GALNT15: variants seen among roughly 807,000 people sequenced by gnomAD.
The protein encoded by GALNT15 is UDP-GalNAc transferase T15.
In GALNT15, 67 loss-of-function variants were observed where a neutral mutation model predicts 66.8. The observed-to-expected ratio is 1.00, with a 90% CI of 0.82 to 1.23. GALNT15 has a LOEUF of 1.23. GALNT15 is among the 50% of genes most tolerant of loss of function. The pLI is 0.00. For synonymous variants in GALNT15, 313 were observed against 311.5 expected, an observed-to-expected ratio of 1.00 and a Z score of -0.05; for missense variants, 827 against 804.3, an observed-to-expected ratio of 1.03 and a Z score of -0.34.
chr3:16,246,731 T>C, the GALNT15 span, among the ~76,000 whole-genome samples: 1 of 152,314 alleles, frequency 6.6e-6, no homozygotes, highest in African/African-American at 2.4e-5. Context: ...ATAGGAATAC[T>C]CTTCTAACTC....
At position 16,200,348 on chromosome 3, in the gene GALNT15, C is replaced by T. The variant is rs2063686064; in HGVS notation, c.707-271C>T. Reference sequence around the variant, plus strand: ...ACCAACAGTATCTGCTACATTCTTGCTGCTGCATTTGGAGAATGTTAGCAA... The same window carrying T: ...ACCAACAGTATCTGCTACATTCTTGTTGCTGCATTTGGAGAATGTTAGCAA... On this transcript the variant is annotated intron_variant, in intron 2 of 9. Transcript: ENST00000339732. This position sits in a 1 kb window ranked among gnomAD's most constrained non-coding sequence, Gnocchi z 4.4. 6.6e-6 allele frequency among the ~76,000 whole-genome samples: 1 copy of T among 152,164 alleles called. No individual in the cohort carries two copies. The highest frequency in any genetic ancestry group is 2.4e-5 in the African/African-American group (1 of 41,430).
Position 16,181,768 on chromosome 3 carries a change from C to A in GALNT15, c.539+6078C>A, listed in dbSNP as rs938201332. ...CCTGGGGCTGGAACTTAGCTCAATT[C>A]CCCCCACAAGAGAGGGAAGACAACC... On this transcript the variant is annotated intron_variant, in intron 1 of 9. Transcript: ENST00000339732. This position sits in a 1 kb window ranked among gnomAD's most constrained non-coding sequence, Gnocchi z 5.9. Among the ~76,000 whole-genome samples, 2 of 152,112 alleles carry A rather than the reference C, an allele frequency of 1.3e-5. No individual in the cohort carries two copies. The highest frequency in any genetic ancestry group is 4.8e-5 in the African/African-American group (2 of 41,414).
chr3:16,208,503 G>T lies in GALNT15; in HGVS notation c.912G>T (p.Arg304Ser). ...EPLLSRIAGD[R>S]SRVVSPVIDV... Reference sequence around the variant, plus strand: ...TGTTTAATTCCACAATTCTTTCCAGGAGCCGAGTGGTATCTCCGGTGATAG... The same window carrying T: ...TGTTTAATTCCACAATTCTTTCCAGTAGCCGAGTGGTATCTCCGGTGATAG... Residue 304 changes from arginine to serine, a missense_variant and splice_region_variant, in exon 4 of 10, where the codon AGG (arginine) becomes AGT (serine). Coordinates refer to ENST00000339732, the MANE Select transcript of GALNT15 (RefSeq NM_054110.5). The T allele has an allele frequency of 6.2e-7, 1 of 1,613,550 alleles. No individual in the cohort carries two copies.
rs185114394 is a variant in GALNT15 at position 16,192,093 on chromosome 3, C to A, written c.540-3667C>A. Among the ~76,000 whole-genome samples the A allele has an allele frequency of 8.2e-4, 125 of 152,252 alleles. 1 individual carries two copies. Among genetic ancestry groups the A allele is most frequent in the Non-Finnish European group, 1.4e-3 (97 of 68,012 alleles). Reference sequence around the variant, plus strand: ...ATACCTATAAATATTGAGTGAATTACCCAAGGAAACTTAGGAAGCAACGGA... The same window carrying A: ...ATACCTATAAATATTGAGTGAATTAACCAAGGAAACTTAGGAAGCAACGGA... On this transcript the variant is annotated intron_variant, in intron 1 of 9. Coordinates refer to ENST00000339732, the MANE Select transcript of GALNT15 (RefSeq NM_054110.5).
chr3:16,237,662 A>G, the GALNT15 span, among the ~76,000 whole-genome samples: 1 of 152,062 alleles, frequency 6.6e-6, no homozygotes. The surrounding 1 kb of genome is among the most constrained non-coding windows in gnomAD (Gnocchi z 4.2). Context: ...CTGTTCCCCC[A>G]CCACTCCCCA....
chr3:16,246,717 A>G, the GALNT15 span, among the ~76,000 whole-genome samples: 5 of 152,226 alleles, frequency 3.3e-5, no homozygotes, highest in Non-Finnish European at 7.3e-5. Context: ...TAGATTCTGC[A>G]TATATAGGAA....
At chr3:16,179,458 C>G (rs1026525360) in intron 1 of GALNT15, among the ~76,000 whole-genome samples, 1 of 152,136 alleles carries the variant, frequency 6.6e-6, no homozygotes, top group South Asian at 2.1e-4. Flanking sequence ...CATGGGGAGA[C>G]AGTTGCGGAA....
At chr3:16,220,153 C>T in intron 8 of GALNT15, 139 bp downstream of exon 8, 1 of 691,460 alleles carries the variant, frequency 1.4e-6, no homozygotes, top group Non-Finnish European at 2.6e-6. Context: ...CATGGTCCCC[C>T]ACTGTAATGA....
intron 6 of GALNT15, among the ~76,000 whole-genome samples, chr3:16,215,730 T>C (rs544443108): frequency 6.6e-6 from 1 of 151,886 alleles, no homozygotes; most frequent in East Asian, 1.9e-4. Context: ...GCTAACATGG[T>C]GAAACCCCGT....
chr3:16,194,931 T>G (rs1218304774), intron 1 of GALNT15, among the ~76,000 whole-genome samples: 1 of 152,210 alleles, frequency 6.6e-6, no homozygotes, highest in Non-Finnish European at 1.5e-5. Flanking sequence ...CTATGGCACA[T>G]GTTTACCTAT....
In GALNT15 at chr3:16,219,933, C is replaced by T. The variant is rs1198231875; in HGVS notation, c.1548C>T (p.Leu516=). 1.2e-6 allele frequency: 2 copies of T among 1,614,218 alleles called. No individual in the cohort carries two copies. Among genetic ancestry groups the T allele is most frequent in the Non-Finnish European group, 8.5e-7 (1 of 1,180,028 alleles). ...AGCTCCACAACACTGGACTTGGGCT[C>T]TGTGCAGACTGCCAGGCAGAAGGGG... is the stretch of plus-strand genomic sequence containing the variant. The part of the protein sequence containing the change: ...SGKLHNTGLG[L]CADCQAEGDI... The change falls in exon 8 of 10, where the codon CTC becomes CTT. Residue 516 remains leucine (L), a synonymous_variant. Transcript: ENST00000339732. The surrounding 1 kb of genome is among the most constrained non-coding windows in gnomAD (Gnocchi z 4.3).
chr3:16,207,549 C>CTA lies in GALNT15; in HGVS notation c.912-954_912-953insTA, dbSNP rs1559686203. Among the ~76,000 whole-genome samples, 4 of 103,964 alleles carry CTA rather than the reference C, an allele frequency of 3.8e-5. 2 individuals are homozygous for CTA. Among genetic ancestry groups the CTA allele is most frequent in the Non-Finnish European group, 7.5e-5 (4 of 53,514 alleles). The allele number at this position is 103,964 out of a possible 152,430, so 68.2% of individuals were successfully genotyped here. A position where few individuals can be genotyped will look rare whatever the true frequency, so the allele number is the denominator to read the frequency against. On this transcript the variant is annotated intron_variant, in intron 3 of 9. Transcript: ENST00000339732. ...AAAAAAAAAAAAAAAAAAAATTGGG[C>CTA]CTAAAATTCCCCACCATTACCGGGA... is the stretch of plus-strand genomic sequence containing the variant.
chr3:16,219,830 C>A lies in GALNT15; in HGVS notation c.1525-80C>A. On this transcript the variant is annotated intron_variant, in intron 7 of 9. Coordinates refer to ENST00000339732, the MANE Select transcript of GALNT15 (RefSeq NM_054110.5). The surrounding 1 kb of genome is among the most constrained non-coding windows in gnomAD (Gnocchi z 4.3). ...GCCTTGGGCTGCACTCCAGAGAATA[C>A]AGCAAAGGAATGGTGTCTGACCGAG... 8.3e-7 allele frequency: 1 copy of A among 1,202,346 alleles called. No individual in the cohort carries two copies. Among genetic ancestry groups the A allele is most frequent in the Non-Finnish European group, 1.2e-6 (1 of 807,156 alleles). 74.5% of individuals were successfully genotyped at this position (1,202,346 alleles called of 1,614,324 possible). A position where few individuals can be genotyped will look rare whatever the true frequency, so the allele number is the denominator to read the frequency against.
downstream of GALNT15, among the ~76,000 whole-genome samples, chr3:16,236,519 A>G (rs1001594513): frequency 1.3e-5 from 2 of 152,274 alleles, no homozygotes; most frequent in African/African-American, 4.8e-5. Context: ...GGACTACAGT[A>G]TTTGACTCAA....
chr3:16,244,052 A>G, the GALNT15 span: 1 of 974,594 alleles, frequency 1.0e-6, no homozygotes, highest in Non-Finnish European at 1.2e-6. Flanking sequence ...GCAGGCACCC[A>G]TGGTAACACA....
chr3:16,200,655 G>A lies in GALNT15; in HGVS notation c.743G>A (p.Arg248Lys), dbSNP rs2063690275. 1 of 1,595,480 alleles carries A rather than the reference G, an allele frequency of 6.3e-7. No homozygotes were observed. Residue 248 changes from arginine (R) to lysine (K), a missense_variant, in exon 3 of 10, where the codon AGG becomes AAG. Arg to Lys is a conservative substitution (Grantham distance 26). Transcript: ENST00000339732. This position sits in a 1 kb window ranked among gnomAD's most constrained non-coding sequence, Gnocchi z 4.4. Reference sequence around the variant, plus strand: ...TCTGCTCTCAGCGAATATGTGGCCAGGCTGGAGGGGGTGAAGTTACTCAGG... The same window carrying A: ...TCTGCTCTCAGCGAATATGTGGCCAAGCTGGAGGGGGTGAAGTTACTCAGG... ...LKSALSEYVA[R>K]LEGVKLLRSN...
At chr3:16,234,390 T>G (rs539274666), downstream of GALNT15, among the ~76,000 whole-genome samples, 3 of 152,090 alleles carry the variant, frequency 2.0e-5, no homozygotes, top group African/African-American at 4.8e-5. Flanking sequence ...CAGAAAAGCC[T>G]TGGAAGTCAC....
chr3:16,227,814 G>T lies in GALNT15; in HGVS notation c.*314G>T. 1 of 1,099,602 alleles carries T rather than the reference G, an allele frequency of 9.1e-7. No individual in the cohort carries two copies. The highest frequency in any genetic ancestry group is 1.1e-6 in the Non-Finnish European group (1 of 903,226). 68.1% of individuals were successfully genotyped at this position (1,099,602 alleles called of 1,614,324 possible). A position where few individuals can be genotyped will look rare whatever the true frequency, so the allele number is the denominator to read the frequency against. On this transcript the variant is annotated 3_prime_UTR_variant, in exon 10 of 10. Transcript: ENST00000339732. The surrounding 1 kb of genome is among the most constrained non-coding windows in gnomAD (Gnocchi z 4.5). ...GCACTTAACAATTGCTTTCTCTCTG[G>T]CCTGGACATTCTCTGGCAGCACCTC...
In GALNT15 at chr3:16,180,931, C is replaced by T. The variant is rs1013723395; in HGVS notation, c.539+5241C>T. 2.0e-5 allele frequency among the ~76,000 whole-genome samples: 3 copies of T among 152,226 alleles called. No individual in the cohort carries two copies. Among genetic ancestry groups the T allele is most frequent in the African/African-American group, 7.2e-5 (3 of 41,452 alleles). On this transcript the variant is annotated intron_variant, in intron 1 of 9. Transcript: ENST00000339732. This position sits in a 1 kb window ranked among gnomAD's most constrained non-coding sequence, Gnocchi z 5.0. ...TTACTGTGTGACCTTGTACAAGTCA[C>T]TCAACCTCTCTGAGCCTCAGTTCCT... is the stretch of plus-strand genomic sequence containing the variant.
Sources: allele counts gnomAD v4.1 joint callset (sites outside exome capture counted in the v4.1 genomes callset), GRCh38; gene constraint gnomAD v4.1.1; non-coding constraint Gnocchi (gnomAD v3.1); transcripts MANE v1.5; gene names NCBI Gene and HGNC (gene_info 2026-07-23, HGNC 2026-07-21).